CASP5: variants seen among roughly 807,000 people sequenced by gnomAD.
The protein encoded by CASP5 is caspase 5.
In CASP5, 42 loss-of-function variants were observed where a neutral mutation model predicts 45.2. That is an observed-to-expected ratio of 0.93 (90% CI 0.73 to 1.20). CASP5 has a LOEUF of 1.20. Among genes scored for constraint, CASP5 ranks in the 50% most tolerant of loss-of-function variants. The pLI, the probability that CASP5 is intolerant of heterozygous loss-of-function variation, is 0.00. For missense variants in CASP5, 512 were observed against 532.2 expected (o/e 0.96, Z 0.37); for synonymous variants, 209 against 186.2 (o/e 1.12, Z -1.00).
chr11:105,015,990 A>C (rs774827301), intron 1 of CASP5, among the ~76,000 whole-genome samples: 3 of 152,192 alleles, frequency 2.0e-5, no homozygotes, highest in Non-Finnish European at 4.4e-5. Flanking sequence ...GTATATTTTG[A>C]AAGACAGAAA....
chr11:105,004,597 G>T (rs1430425394), intron 3 of CASP5, among the ~76,000 whole-genome samples: 8 of 151,884 alleles, frequency 5.3e-5, no homozygotes, highest in African/African-American at 1.7e-4. Flanking sequence ...AAGTAATATT[G>T]TTCTGTATAA....
intron 3 of CASP5, among the ~76,000 whole-genome samples, chr11:105,004,544 T>G (rs575074804): frequency 6.6e-6 from 1 of 152,330 alleles, no homozygotes; most frequent in East Asian, 1.9e-4. Flanking sequence ...TATACTTTTA[T>G]GTTTGGTTAC....
chr11:105,015,580 C>G (rs1474715006), intron 1 of CASP5, among the ~76,000 whole-genome samples: 1 of 151,936 alleles, frequency 6.6e-6, no homozygotes, highest in East Asian at 1.9e-4. Context: ...TATTAACCCA[C>G]TTAACTTATT....
At chr11:104,995,689 C>T in intron 9 of CASP5, 51 bp downstream of exon 9, 1 of 1,199,402 alleles carries the variant, frequency 8.3e-7, no homozygotes, top group South Asian at 1.3e-5. Flanking sequence ...AACTTCACCA[C>T]CGATATAGCT....
chr11:104,997,581 C>G (rs1861524291), intron 7 of CASP5, 89 bp from the exon 8 acceptor site: 4 of 703,830 alleles, frequency 5.7e-6, no homozygotes, highest in Non-Finnish European at 7.3e-6. Context: ...TGAGAATTTA[C>G]TTGATAGATT....
chr11:105,002,352 C>T (rs1861782259), intron 4 of CASP5, 151 bp from the exon 5 acceptor site: 1 of 634,704 alleles, frequency 1.6e-6, no homozygotes, highest in South Asian at 2.0e-5. Context: ...CTCAAGAGCC[C>T]AGAGCAAGAA....
chr11:105,008,958 C>G lies in CASP5; in HGVS notation c.30G>C (p.Arg10Ser). 6.2e-7 allele frequency: 1 copy of G among 1,609,714 alleles called. No individual in the cohort carries two copies. Among genetic ancestry groups the G allele is most frequent in the Non-Finnish European group, 8.5e-7 (1 of 1,178,352 alleles). The change falls in exon 2 of 10, where the codon AGG (arginine) becomes AGC (serine). Residue 10 changes from arginine to serine, a missense_variant. Arg to Ser is a moderately radical substitution (Grantham distance 110). Coordinates refer to ENST00000260315, the MANE Select transcript of CASP5 (RefSeq NM_004347.5). ...TGAACATAGCTTCAAAATTCTTACG[C>G]CTTTTTTTTTTGCCACTGTCTTCTA... Reference protein sequence around the residue: MAEDSGKKKRRKNFEAMFKG... With the variant: MAEDSGKKKSRKNFEAMFKG...
At chr11:105,001,623 C>T (rs1861730723) in intron 5 of CASP5, among the ~76,000 whole-genome samples, 1 of 152,142 alleles carries the variant, frequency 6.6e-6, no homozygotes, top group Non-Finnish European at 1.5e-5. Context: ...CGCCACTACA[C>T]TCCAGCCTGG....
At chr11:104,999,683 T>G (rs1184228865) in intron 6 of CASP5, among the ~76,000 whole-genome samples, 2 of 152,194 alleles carry the variant, frequency 1.3e-5, no homozygotes, top group Non-Finnish European at 2.9e-5. Flanking sequence ...ATCATGTCAT[T>G]ACCAGTTTTC....
intron 3 of CASP5, among the ~76,000 whole-genome samples, chr11:105,006,413 C>CTT (rs1565385047): frequency 7.2e-5 from 11 of 152,126 alleles, no homozygotes; most frequent in South Asian, 2.1e-4. Context: ...GTGAAGAAAC[C>CTT]AGTTACATTC....
chr11:104,995,648 C>A (rs1451453415), intron 9 of CASP5, 92 bp downstream of exon 9: 10 of 753,912 alleles, frequency 1.3e-5, no homozygotes, highest in African/African-American at 1.8e-5. Flanking sequence ...CTAACTTGAC[C>A]ATATAAGCAG....
At chr11:104,995,066 C>T (rs762148859) in intron 9 of CASP5, 1 of 152,292 alleles carries the variant, frequency 6.6e-6, no homozygotes, top group Non-Finnish European at 1.5e-5. Flanking sequence ...GGCCCCTCCT[C>T]TTCCTGGGTG....
chr11:105,000,562 C>G, intron 5 of CASP5, 67 bp from the exon 6 acceptor site: 1 of 1,425,068 alleles, frequency 7.0e-7, no homozygotes, highest in Non-Finnish European at 9.8e-7. Flanking sequence ...CCTAGATTTA[C>G]CATGAGCGAA....
rs1220558626 is a variant in CASP5, at chr11:105,007,391, T to C, written c.182-57A>G. The C allele has an allele frequency of 1.3e-5, 20 of 1,493,026 alleles. No individual in the cohort carries two copies. The Admixed American group carries it at 3.9e-4, about 29-fold the overall frequency. 92.5% of individuals were successfully genotyped at this position (1,493,026 alleles called of 1,614,324 possible). A position where few individuals can be genotyped will look rare whatever the true frequency, so the allele number is the denominator to read the frequency against. On this transcript the variant is annotated intron_variant, in intron 2 of 9. Transcript: ENST00000260315. ...GGGCACAGCTTAAAGAGTTCTGCCT[T>C]CACCTAAGACATAACTCTGTAATAT... is the stretch of plus-strand genomic sequence containing the variant.
rs140164381 is a variant in CASP5, at chr11:104,998,977, A to T, written c.1004T>A (p.Ile335Asn). 6.2e-7 allele frequency: 1 copy of T among 1,613,814 alleles called. No homozygotes were observed. The highest frequency in any genetic ancestry group is 8.5e-7 in the Non-Finnish European group (1 of 1,179,768). Reference protein sequence around the residue: ...VRDSPASLALISSQSSENLEA... With the variant: ...VRDSPASLALNSSQSSENLEA... ...CAGGTTCTCAGATGACTGTGAAGAG[A>T]TGAGTGCCAAGGATGCTGGAGAGTC... is the stretch of plus-strand genomic sequence containing the variant. Residue 335 changes from isoleucine (I) to asparagine (N), a missense_variant, in exon 7 of 10, where the codon ATC (isoleucine) becomes AAC (asparagine). Transcript: ENST00000260315.
At chr11:105,009,006 A>C in intron 1 of CASP5, 26 bp from the exon 2 acceptor site, 2 of 1,608,714 alleles carry the variant, frequency 1.2e-6, no homozygotes, top group Non-Finnish European at 1.7e-6. Context: ...AGACTCCTTC[A>C]ACTCTGGGCA....
chr11:105,001,648 C>A (rs1290972980), intron 5 of CASP5, among the ~76,000 whole-genome samples: 1 of 152,176 alleles, frequency 6.6e-6, no homozygotes, highest in African/African-American at 2.4e-5. Context: ...CAGAGTGAGA[C>A]TTGGTCTCAA....
intron 7 of CASP5, among the ~76,000 whole-genome samples, chr11:104,998,018 T>C (rs905728953): frequency 1.3e-5 from 2 of 152,178 alleles, no homozygotes; most frequent in Non-Finnish European, 2.9e-5. Context: ...ATGGTGCCAA[T>C]AGTAAATAAT....
chr11:105,016,441 G>A (rs979165280), intron 1 of CASP5, among the ~76,000 whole-genome samples: 5 of 152,190 alleles, frequency 3.3e-5, no homozygotes, highest in African/African-American at 9.7e-5. Context: ...GCGCAGGTCA[G>A]TGGGTGCGTG....
Sources: allele counts gnomAD v4.1 joint callset (sites outside exome capture counted in the v4.1 genomes callset), GRCh38; gene constraint gnomAD v4.1.1; transcripts MANE v1.5; gene names NCBI Gene and HGNC (gene_info 2026-07-23, HGNC 2026-07-21).